DRC8: variants seen among roughly 807,000 people sequenced by gnomAD.
DRC8 encodes the protein dynein regulatory complex protein 8.
chr1:244,989,937 A>G, the DRC8 span, among the ~76,000 whole-genome samples: 145 of 152,372 alleles, frequency 9.5e-4, 2 homozygotes, highest in Non-Finnish European at 9.0e-4. Context: ...TATTTTGAGT[A>G]TCATGACGAA....
the DRC8 span, among the ~76,000 whole-genome samples, chr1:244,972,030 AG>A: frequency 6.6e-6 from 1 of 152,070 alleles, no homozygotes; most frequent in Non-Finnish European, 1.5e-5. Flanking sequence ...TTCTTAAAAA[AG>A]ACTTGGTTAG....
the DRC8 span, among the ~76,000 whole-genome samples, chr1:245,009,935 G>A: frequency 2.6e-5 from 4 of 151,900 alleles, no homozygotes; most frequent in South Asian, 2.1e-4. Flanking sequence ...GCTCAGGCTC[G>A]CTGCAACCTC....
At chr1:244,970,346 G>T in the DRC8 span, 1 of 1,521,772 alleles carries the variant, frequency 6.6e-7, no homozygotes, top group Non-Finnish European at 8.8e-7. Context: ...TCGCCGCGGG[G>T]CGCTGAGCAG....
At chr1:244,970,455 G>T in the DRC8 span, 2 of 1,525,610 alleles carry the variant, frequency 1.3e-6, no homozygotes, top group Non-Finnish European at 1.7e-6. Context: ...TAAGGTAGGG[G>T]AGCCGGGGAG....
chr1:245,004,739 C>T, the DRC8 span, among the ~76,000 whole-genome samples: 4 of 152,132 alleles, frequency 2.6e-5, no homozygotes, highest in Non-Finnish European at 5.9e-5. Flanking sequence ...TCTAAGGGCA[C>T]GCAGAATACC....
At chr1:245,040,058 A>G in the DRC8 span, among the ~76,000 whole-genome samples, 1 of 152,208 alleles carries the variant, frequency 6.6e-6, no homozygotes, top group Non-Finnish European at 1.5e-5. Context: ...CTGGCCCACA[A>G]GTAGCATCCG....
the DRC8 span, among the ~76,000 whole-genome samples, chr1:245,069,281 A>G: frequency 6.6e-6 from 1 of 152,226 alleles, no homozygotes; most frequent in Admixed American, 6.5e-5. Context: ...TTCTTACAAT[A>G]AAGTAAGCCA....
the DRC8 span, among the ~76,000 whole-genome samples, chr1:245,065,462 G>A: frequency 6.6e-6 from 1 of 152,044 alleles, no homozygotes; most frequent in Non-Finnish European, 1.5e-5. Context: ...TTTCTGTTGT[G>A]TTTTAAATTT....
At chr1:245,000,333 T>G in the DRC8 span, among the ~76,000 whole-genome samples, 1 of 152,336 alleles carries the variant, frequency 6.6e-6, no homozygotes, top group Non-Finnish European at 1.5e-5. Flanking sequence ...TGCGTGCAAC[T>G]TAAAACTTAA....
the DRC8 span, among the ~76,000 whole-genome samples, chr1:245,115,601 T>C: frequency 1.3e-5 from 2 of 152,230 alleles, no homozygotes; most frequent in Non-Finnish European, 2.9e-5. Flanking sequence ...AGTAAGTGCC[T>C]TCCTTGAGCA....
chr1:245,027,409 T>C, the DRC8 span, among the ~76,000 whole-genome samples: 8 of 152,150 alleles, frequency 5.3e-5, no homozygotes, highest in Non-Finnish European at 1.2e-4. Context: ...ATAATCTTCA[T>C]GTGGGAAGGA....
At chr1:245,034,050 C>CT in the DRC8 span, among the ~76,000 whole-genome samples, 17 of 152,152 alleles carry the variant, frequency 1.1e-4, no homozygotes, top group South Asian at 3.1e-3. Context: ...ACCTCTGACT[C>CT]TTTTTTCTCA....
the DRC8 span, among the ~76,000 whole-genome samples, chr1:245,003,628 T>C: frequency 6.6e-6 from 1 of 152,202 alleles, no homozygotes; most frequent in Non-Finnish European, 1.5e-5. Context: ...TTTGCTCTGT[T>C]GAGCAGGCTA....
the DRC8 span, among the ~76,000 whole-genome samples, chr1:244,994,159 A>G: frequency 5.5e-3 from 845 of 152,312 alleles, 11 homozygotes; most frequent in African/African-American, 0.019. Flanking sequence ...TACGAGAAGT[A>G]GTACATGTTT....
the DRC8 span, among the ~76,000 whole-genome samples, chr1:245,036,124 T>G: frequency 1.3e-5 from 2 of 152,144 alleles, no homozygotes. Flanking sequence ...GAGAAAATAT[T>G]TGCAAATCAT....
At chr1:245,098,823 T>C in the DRC8 span, among the ~76,000 whole-genome samples, 2 of 152,216 alleles carry the variant, frequency 1.3e-5, no homozygotes. Context: ...CTGACTGCCA[T>C]TGTTCTGACT....
chr1:245,099,286 AG>A, the DRC8 span, among the ~76,000 whole-genome samples: 1 of 152,132 alleles, frequency 6.6e-6, no homozygotes, highest in Non-Finnish European at 1.5e-5. Context: ...AGTTCTCTCA[AG>A]GGGGGGCTTT....
At chr1:245,009,032 T>C in the DRC8 span, among the ~76,000 whole-genome samples, 2 of 82,542 alleles carry the variant, frequency 2.4e-5, no homozygotes, top group African/African-American at 1.0e-4. Context: ...GCTTTTCTTT[T>C]TTTTTTTTTT....
At chr1:245,021,999 T>C in the DRC8 span, among the ~76,000 whole-genome samples, 26 of 152,260 alleles carry the variant, frequency 1.7e-4, no homozygotes, top group African/African-American at 6.3e-4. Context: ...GTATGTTCCA[T>C]ATCGATCTCT....
Sources: gnomAD v4.1 joint callset for allele counts (sites outside exome capture counted in the v4.1 genomes callset) on GRCh38, gnomAD v4.1.1 for gene constraint, MANE v1.5 for transcripts, NCBI Gene and HGNC (gene_info 2026-07-23, HGNC 2026-07-21) for gene names.